The following DNAJC24 variants were observed in gnomAD, a reference collection of about 807,000 sequenced individuals.
DNAJC24 encodes DnaJ heat shock protein family (Hsp40) member C24.
DNAJC24 carries 17 observed loss-of-function variants against 18.0 expected under a neutral mutation model. That is an observed-to-expected ratio of 0.94 (90% CI 0.65 to 1.42). The LOEUF (loss-of-function observed/expected upper bound fraction) is 1.42. Among genes scored for constraint, DNAJC24 ranks in the 40% most tolerant of loss-of-function variants. DNAJC24 has a pLI of 0.00. For missense variants in DNAJC24, 158 were observed against 175.6 expected (o/e 0.90, Z 0.57); for synonymous variants, 55 against 57.7 (o/e 0.95, Z 0.21).
intron 2 of DNAJC24, among the ~76,000 whole-genome samples, chr11:31,397,466 T>G (rs967269708): frequency 2.1e-5 from 3 of 144,508 alleles, no homozygotes; most frequent in Non-Finnish European, 3.0e-5. Flanking sequence ...GTACTTGACT[T>G]TACCTTTGTG....
chr11:31,418,519 C>T (rs1394955223), intron 3 of DNAJC24, among the ~76,000 whole-genome samples: 1 of 152,068 alleles, frequency 6.6e-6, no homozygotes, highest in Non-Finnish European at 1.5e-5. Flanking sequence ...GAGTTAAGTA[C>T]TTCTCTGTGA....
intron 2 of DNAJC24, among the ~76,000 whole-genome samples, chr11:31,411,113 G>T (rs1369087405): frequency 3.3e-5 from 5 of 152,118 alleles, no homozygotes; most frequent in African/African-American, 1.2e-4. Context: ...GGTCTTTTAG[G>T]ATCATAATGA....
chr11:31,428,544 A>G (rs1286629116), intron 4 of DNAJC24, among the ~76,000 whole-genome samples: 2 of 152,182 alleles, frequency 1.3e-5, no homozygotes, highest in African/African-American at 2.4e-5. Flanking sequence ...CAGAATAGCT[A>G]TGGAAAGTGA....
chr11:31,385,197 A>G (rs1045084396), intron 2 of DNAJC24: 6 of 152,208 alleles, frequency 3.9e-5, no homozygotes, highest in African/African-American at 1.4e-4. Flanking sequence ...GAAGCATTCA[A>G]CTGGAGCAAT....
At chr11:31,416,970 A>G (rs1426510472) in intron 3 of DNAJC24, 1 of 152,142 alleles carries the variant, frequency 6.6e-6, no homozygotes, top group Non-Finnish European at 1.5e-5. Flanking sequence ...TAGGTCATAG[A>G]TGAAGTCACA....
intron 2 of DNAJC24, among the ~76,000 whole-genome samples, chr11:31,387,799 T>C (rs1041503155): frequency 6.6e-6 from 1 of 152,112 alleles, no homozygotes; most frequent in Admixed American, 6.5e-5. Context: ...GCCAAAGAGA[T>C]AGAGATATGT....
intron 2 of DNAJC24, among the ~76,000 whole-genome samples, chr11:31,408,854 G>T (rs1292446552): frequency 1.3e-5 from 2 of 152,120 alleles, no homozygotes; most frequent in Non-Finnish European, 2.9e-5. Flanking sequence ...TCATTTCAGA[G>T]TAATAAAATA....
intron 2 of DNAJC24, chr11:31,384,848 G>A (rs1952412535): frequency 1.3e-5 from 2 of 152,070 alleles, no homozygotes; most frequent in Admixed American, 1.3e-4. Flanking sequence ...TTCCAGAAGA[G>A]AATGTTAGAA....
At chr11:31,400,763 A>G (rs1952593374) in intron 2 of DNAJC24, among the ~76,000 whole-genome samples, 1 of 152,214 alleles carries the variant, frequency 6.6e-6, no homozygotes. Context: ...AAAACCCAAA[A>G]CCATTAAAAA....
intron 4 of DNAJC24, among the ~76,000 whole-genome samples, chr11:31,428,747 C>T (rs902731810): frequency 6.6e-6 from 1 of 152,088 alleles, no homozygotes; most frequent in Non-Finnish European, 1.5e-5. Context: ...ATTTTGTTGG[C>T]CTTCATTCAG....
chr11:31,403,129 G>T (rs941549068), intron 2 of DNAJC24, among the ~76,000 whole-genome samples: 11 of 134,366 alleles, frequency 8.2e-5, no homozygotes, highest in Non-Finnish European at 1.5e-4. Flanking sequence ...ATATGCATGT[G>T]TGTGTGTGTG....
chr11:31,401,902 A>G (rs1952604304), intron 2 of DNAJC24, among the ~76,000 whole-genome samples: 1 of 152,174 alleles, frequency 6.6e-6, no homozygotes, highest in Non-Finnish European at 1.5e-5. Context: ...AAATAAATTT[A>G]TAGGATTATT....
chr11:31,381,356 G>A (rs913957525), intron 2 of DNAJC24, among the ~76,000 whole-genome samples: 1 of 151,986 alleles, frequency 6.6e-6, no homozygotes, highest in African/African-American at 2.4e-5. Context: ...AATTAATGTT[G>A]TTGTGTCCAT....
chr11:31,374,281 G>T, intron 2 of DNAJC24: 1 of 155,560 alleles, frequency 6.4e-6, no homozygotes, highest in Admixed American at 6.9e-5. Flanking sequence ...TTAATACTTT[G>T]CTAAGAGTTT....
At chr11:31,402,580 C>A (rs1415106910) in intron 2 of DNAJC24, among the ~76,000 whole-genome samples, 1 of 152,150 alleles carries the variant, frequency 6.6e-6, no homozygotes, top group Non-Finnish European at 1.5e-5. Flanking sequence ...GTGATCATAA[C>A]TAACTCCAGC....
intron 2 of DNAJC24, among the ~76,000 whole-genome samples, chr11:31,386,357 G>A (rs1952430243): frequency 6.6e-6 from 1 of 151,548 alleles, no homozygotes; most frequent in Non-Finnish European, 1.5e-5. Context: ...TGCTTGAGAT[G>A]AAGATAGTAG....
At chr11:31,417,184 G>A (rs1038908583) in intron 3 of DNAJC24, 1 of 152,026 alleles carries the variant, frequency 6.6e-6, no homozygotes, top group African/African-American at 2.4e-5. Context: ...TTTACCAGAG[G>A]CTCCAAATAC....
intron 2 of DNAJC24, among the ~76,000 whole-genome samples, chr11:31,399,147 A>G (rs912004448): frequency 1.3e-5 from 2 of 152,152 alleles, no homozygotes; most frequent in Admixed American, 1.3e-4. Context: ...AATTGTTTTT[A>G]TATCTTATGT....
chr11:31,431,638 C>T lies in DNAJC24; in HGVS notation c.*1237C>T, dbSNP rs1262934312. 1 of 150,704 alleles carries T rather than the reference C, an allele frequency of 6.6e-6. No individual in the cohort carries two copies. Among genetic ancestry groups the T allele is most frequent in the African/African-American group, 2.4e-5 (1 of 41,080 alleles). 9.3% of individuals were successfully genotyped at this position (150,704 alleles called of 1,614,324 possible). A position where few individuals can be genotyped will look rare whatever the true frequency, so the allele number is the denominator to read the frequency against. On this transcript the variant is annotated 3_prime_UTR_variant, in exon 5 of 5. Coordinates refer to ENST00000465995, the MANE Select transcript of DNAJC24 (RefSeq NM_181706.5). Reference sequence around the variant, plus strand: ...ACCACCCTGGCCAACATGGTGAAACCCCATATCTACTAAAAATAATTTTTT... The same window carrying T: ...ACCACCCTGGCCAACATGGTGAAACTCCATATCTACTAAAAATAATTTTTT...
Sources: gnomAD v4.1 joint callset for allele counts (sites outside exome capture counted in the v4.1 genomes callset) on GRCh38, gnomAD v4.1.1 for gene constraint, MANE v1.5 for transcripts, NCBI Gene and HGNC (gene_info 2026-07-23, HGNC 2026-07-21) for gene names.